Variants in NDUFS3 observed in about 807,000 individuals in gnomAD.
NDUFS3 encodes the protein NADH dehydrogenase [ubiquinone] iron-sulfur protein 3, mitochondrial.
In NDUFS3, 19 loss-of-function variants were observed where a neutral mutation model predicts 30.8. The ratio of observed to expected loss-of-function variants is 0.62; its 90% CI spans 0.43 to 0.91. The LOEUF is 0.91. NDUFS3 is among the 40% of genes least tolerant of loss of function. The pLI, the probability that NDUFS3 is intolerant of heterozygous loss-of-function variation, is 0.00. For synonymous variants in NDUFS3, 153 were observed against 135.8 expected, an observed-to-expected ratio of 1.13 and a Z score of -0.88; for missense variants, 331 against 342.0, an observed-to-expected ratio of 0.97 and a Z score of 0.25.
chr11:47,582,074 T>G lies in NDUFS3; in HGVS notation c.382-14T>G, dbSNP rs762650545. 1 of 1,613,324 alleles carries G rather than the reference T, an allele frequency of 6.2e-7. No homozygotes were observed. The highest frequency in any genetic ancestry group is 8.5e-7 in the Non-Finnish European group (1 of 1,179,984). On this transcript the variant is annotated splice_polypyrimidine_tract_variant and intron_variant, in intron 4 of 6. Coordinates refer to ENST00000263774, the MANE Select transcript of NDUFS3 (RefSeq NM_004551.3). ...CTCCCATCTCAGCCCTCCAGATCCT[T>G]CTGTTCTCCCTAGATTGTCTACAAC...
intron 4 of NDUFS3, chr11:47,581,885 T>C: frequency 3.0e-6 from 2 of 668,292 alleles, no homozygotes; most frequent in Non-Finnish European, 5.3e-6. Context: ...CAGGGAAATA[T>C]TCCTGACAAA....
intron 6 of NDUFS3, 75 bp from the exon 7 acceptor site, chr11:47,584,239 C>T (rs1378084471): frequency 1.2e-5 from 19 of 1,600,628 alleles, no homozygotes; most frequent in Non-Finnish European, 1.5e-5. Flanking sequence ...CACCAATAGC[C>T]TTGTGAAAAG....
chr11:47,579,545 CCT>C (rs2097266886), intron 2 of NDUFS3: 3 of 635,872 alleles, frequency 4.7e-6, no homozygotes, highest in South Asian at 3.8e-5. Context: ...TCAATCATCC[CCT>C]TTTTGTCTGA....
chr11:47,580,576 G>T lies in NDUFS3; in HGVS notation c.185G>T (p.Gly62Val), dbSNP rs889228369. The T allele has an allele frequency of 6.2e-7, 1 of 1,614,184 alleles. No homozygotes were observed. Among genetic ancestry groups the T allele is most frequent in the South Asian group, 1.1e-5 (1 of 91,084 alleles). ...GCCCACAAGCAGCTCTCAGCTTTTG[G>T]AGAGTATGTGGCTGAAATCTTGCCC... ...DVAHKQLSAF[G>V]EYVAEILPKY... is the part of the protein sequence containing the mutation. The change falls in exon 3 of 7, where the codon GGA becomes GTA. Residue 62 changes from glycine to valine, a missense_variant. By Grantham distance (109) the Gly-to-Val change is moderately radical (BLOSUM62 -3). Coordinates refer to ENST00000263774, the MANE Select transcript of NDUFS3 (RefSeq NM_004551.3).
rs1428851015 is a variant in NDUFS3, at chr11:47,579,114, G to T, written c.23G>T (p.Arg8Met). The T allele has an allele frequency of 1.3e-6, 2 of 1,585,894 alleles. No homozygotes were observed. The highest frequency in any genetic ancestry group is 1.7e-6 in the Non-Finnish European group (2 of 1,167,706). The change falls in exon 1 of 7, where the codon AGG becomes ATG. Residue 8 changes from arginine (R) to methionine (M), a missense_variant. By Grantham distance (91) the Arg-to-Met change is moderately conservative. Coordinates refer to ENST00000263774, the MANE Select transcript of NDUFS3 (RefSeq NM_004551.3). The part of the protein sequence containing the change: MAAAAVA[R>M]LWWRGILGAS... ...AACATGGCGGCGGCGGCGGTAGCCA[G>T]GCTGTGGTGGCGCGGGATCTTGGGG... is the stretch of plus-strand genomic sequence containing the variant.
chr11:47,581,480 T>C (rs1195923220), intron 4 of NDUFS3: 1 of 220,544 alleles, frequency 4.5e-6, no homozygotes, highest in Non-Finnish European at 9.2e-6. Flanking sequence ...TGAGCTTTCA[T>C]TTTCTTACCG....
Position 47,582,221 on chromosome 11 carries a change from A to C in NDUFS3, c.507+8A>C. The C allele has an allele frequency of 6.2e-7, 1 of 1,614,224 alleles. No individual in the cohort carries two copies. Among genetic ancestry groups the C allele is most frequent in the Non-Finnish European group, 8.5e-7 (1 of 1,180,046 alleles). On this transcript the variant is annotated splice_region_variant and intron_variant, in intron 5 of 6. Coordinates refer to ENST00000263774, the MANE Select transcript of NDUFS3 (RefSeq NM_004551.3). ...AACTGGTATGAAAGGGAGGTGAGTT[A>C]CCGGATATGGTGGACCTGCCTCTGG...
chr11:47,580,414 GC>G (rs2097267940), intron 2 of NDUFS3, 110 bp from the exon 3 acceptor site: 2 of 989,256 alleles, frequency 2.0e-6, no homozygotes, highest in Admixed American at 3.7e-5. Flanking sequence ...TTCTCAAGGT[GC>G]TTCAGGGAGC....
intron 6 of NDUFS3, 98 bp from the exon 7 acceptor site, chr11:47,584,216 G>T: frequency 6.6e-7 from 1 of 1,511,080 alleles, no homozygotes; most frequent in Non-Finnish European, 9.2e-7. Flanking sequence ...CGAGAGGAAT[G>T]GGCTGGGGAA....
Position 47,580,969 on chromosome 11 carries a change from G to T in NDUFS3, c.366G>T (p.Arg122=). ...TGACAGCAGTGGACGTCCCAACTCGGCAAAACCGTTTTGAGGTCAGTTGGG... is the reference window on the plus strand; with the variant it reads ...TGACAGCAGTGGACGTCCCAACTCGTCAAAACCGTTTTGAGGTCAGTTGGG... ...VDLTAVDVPT[R]QNRFEIVYNL... The change falls in exon 4 of 7, where the codon CGG becomes CGT. Residue 122 remains arginine (R), a synonymous_variant. Transcript: ENST00000263774. The T allele has an allele frequency of 1.2e-6, 2 of 1,614,188 alleles. No homozygotes were observed. Among genetic ancestry groups the T allele is most frequent in the Non-Finnish European group, 1.7e-6 (2 of 1,180,048 alleles).
Position 47,580,580 on chromosome 11 carries a change from G to A in NDUFS3, c.189G>A (p.Glu63=), listed in dbSNP as rs1269709660. The change falls in exon 3 of 7, where the codon GAG becomes GAA. Residue 63 remains glutamate, a synonymous_variant. Transcript: ENST00000263774. ...ACAAGCAGCTCTCAGCTTTTGGAGAGTATGTGGCTGAAATCTTGCCCAAGT... is the reference window on the plus strand; with the variant it reads ...ACAAGCAGCTCTCAGCTTTTGGAGAATATGTGGCTGAAATCTTGCCCAAGT... ...VAHKQLSAFG[E]YVAEILPKYV... 2 of 1,614,070 alleles carry A rather than the reference G, an allele frequency of 1.2e-6. No homozygotes were observed. The highest frequency in any genetic ancestry group is 1.7e-5 in the Admixed American group (1 of 59,998).
In NDUFS3 at chr11:47,584,165, A is replaced by G. The variant is rs2097270021; in HGVS notation, c.628-149A>G. The G allele has an allele frequency of 1.7e-5, 18 of 1,040,988 alleles. No homozygotes were observed. The South Asian group carries it at 2.3e-4, about 13-fold the overall frequency. 64.5% of individuals were successfully genotyped at this position (1,040,988 alleles called of 1,614,324 possible). ...GATCTGACGGGTAACACAGGTATGG[A>G]TGGAGACTTACTGACAGAGGCTGGG... On this transcript the variant is annotated intron_variant, in intron 6 of 6. Transcript: ENST00000263774.
At chr11:47,583,898 T>C (rs1237234772) in intron 6 of NDUFS3, among the ~76,000 whole-genome samples, 2 of 152,236 alleles carry the variant, frequency 1.3e-5, no homozygotes, top group Non-Finnish European at 2.9e-5. Flanking sequence ...ACTGTGAATA[T>C]GCCAAGGGCA....
Position 47,579,106 on chromosome 11 carries a change from G to A in NDUFS3, c.15G>A (p.Ala5=). 2 of 1,577,810 alleles carry A rather than the reference G, an allele frequency of 1.3e-6. No homozygotes were observed. The highest frequency in any genetic ancestry group is 8.6e-7 in the Non-Finnish European group (1 of 1,163,454). The change falls in exon 1 of 7, where the codon GCG becomes GCA. Residue 5 remains alanine (A), a synonymous_variant. Coordinates refer to ENST00000263774, the MANE Select transcript of NDUFS3 (RefSeq NM_004551.3). ...ATCTGAGTAACATGGCGGCGGCGGCGGTAGCCAGGCTGTGGTGGCGCGGGA... is the reference window on the plus strand; with the variant it reads ...ATCTGAGTAACATGGCGGCGGCGGCAGTAGCCAGGCTGTGGTGGCGCGGGA... MAAA[A]VARLWWRGIL...
In NDUFS3 at chr11:47,579,123, G is replaced by A; in HGVS notation, c.32G>A (p.Trp11Ter). 6.3e-7 allele frequency: 1 copy of A among 1,591,806 alleles called. No individual in the cohort carries two copies. Among genetic ancestry groups the A allele is most frequent in the Non-Finnish European group, 8.5e-7 (1 of 1,170,882 alleles). MAAAAVARLW[W>*]RGILGASALT... Reference sequence around the variant, plus strand: ...GCGGCGGCGGTAGCCAGGCTGTGGTGGCGCGGGATCTTGGGGGCCTCGGCG... The same window carrying A: ...GCGGCGGCGGTAGCCAGGCTGTGGTAGCGCGGGATCTTGGGGGCCTCGGCG... Residue 11 changes from tryptophan to a stop codon, truncating the protein, a stop_gained, in exon 1 of 7, where the codon TGG becomes TAG. Transcript: ENST00000263774. LOFTEE classifies it high-confidence loss of function.
chr11:47,583,088 A>T (rs2097269529), intron 6 of NDUFS3, among the ~76,000 whole-genome samples: 1 of 151,854 alleles, frequency 6.6e-6, no homozygotes, highest in African/African-American at 2.4e-5. Context: ...CACTCTTGTC[A>T]CCTAGGATGG....
At chr11:47,583,074 G>T (rs2097269523) in intron 6 of NDUFS3, among the ~76,000 whole-genome samples, 1 of 151,920 alleles carries the variant, frequency 6.6e-6, no homozygotes. Flanking sequence ...GTGTGTCAGG[G>T]TCTCACTCTT....
At chr11:47,582,705 G>T (rs2097269344) in intron 6 of NDUFS3, among the ~76,000 whole-genome samples, 1 of 152,194 alleles carries the variant, frequency 6.6e-6, no homozygotes, top group Non-Finnish European at 1.5e-5. Flanking sequence ...ATTTGTGGCT[G>T]GCATTAAATA....
chr11:47,582,365 G>C lies in NDUFS3; in HGVS notation c.524G>C (p.Gly175Ala). The change falls in exon 6 of 7, where the codon GGA becomes GCA. Residue 175 changes from glycine (G) to alanine (A), a missense_variant. By Grantham distance (60) the Gly-to-Ala change is moderately conservative. Coordinates refer to ENST00000263774, the MANE Select transcript of NDUFS3 (RefSeq NM_004551.3). ...CTTTCCTAGATCTGGGACATGTTTG[G>C]AGTCTTCTTTGCTAACCACCCTGAT... ...WYEREIWDMF[G>A]VFFANHPDLR... 1.9e-6 allele frequency: 3 copies of C among 1,614,190 alleles called. No individual in the cohort carries two copies. The highest frequency in any genetic ancestry group is 2.5e-6 in the Non-Finnish European group (3 of 1,180,046).
Sources: allele counts gnomAD v4.1 joint callset (sites outside exome capture counted in the v4.1 genomes callset), GRCh38; gene constraint gnomAD v4.1.1; transcripts MANE v1.5; gene names NCBI Gene and HGNC (gene_info 2026-07-23, HGNC 2026-07-21).